The following PTPRD variants were observed in gnomAD, a reference collection of about 807,000 sequenced individuals.
The protein encoded by PTPRD is protein tyrosine phosphatase receptor type D, also known as receptor-type tyrosine-protein phosphatase delta.
A neutral mutation model predicts 214.5 loss-of-function variants in PTPRD; 34 were observed. The ratio of observed to expected loss-of-function variants is 0.16; its 90% CI spans 0.12 to 0.21. PTPRD has a LOEUF of 0.21. Ranked by LOEUF, PTPRD falls within the 10% of genes least tolerant of loss-of-function variation. PTPRD has a pLI of 1.00. For synonymous variants in PTPRD, 1,128 were observed against 845.7 expected (o/e 1.33, Z -5.79); for missense variants, 2,545 against 2,398.7 (o/e 1.06, Z -1.27).
intron 3 of PTPRD, among the ~76,000 whole-genome samples, chr9:10,169,698 G>A (rs1241016778): frequency 6.6e-6 from 1 of 152,080 alleles, no homozygotes; most frequent in Non-Finnish European, 1.5e-5. Flanking sequence ...TTCTATAGCT[G>A]CAGGAAATAC....
At chr9:9,085,350 G>A (rs942363519) in intron 10 of PTPRD, among the ~76,000 whole-genome samples, 3 of 152,122 alleles carry the variant, frequency 2.0e-5, no homozygotes, top group Admixed American at 6.6e-5. Flanking sequence ...CTCTCTCAGA[G>A]AAAATGTTGG....
chr9:9,724,278 T>G (rs1156858340), intron 7 of PTPRD, among the ~76,000 whole-genome samples: 6 of 152,190 alleles, frequency 3.9e-5, no homozygotes, highest in Admixed American at 3.9e-4. Flanking sequence ...ATCTTTTATC[T>G]TAGGTCAATA....
chr9:8,540,074 C>G (rs1445564135), intron 14 of PTPRD, among the ~76,000 whole-genome samples: 1 of 152,132 alleles, frequency 6.6e-6, no homozygotes, highest in Non-Finnish European at 1.5e-5. Flanking sequence ...CGGCAATTAA[C>G]TCTCTAACAG....
chr9:10,555,815 T>C (rs965778352), intron 2 of PTPRD, among the ~76,000 whole-genome samples: 1 of 152,150 alleles, frequency 6.6e-6, no homozygotes, highest in African/African-American at 2.4e-5. Context: ...TAGATTCCTC[T>C]AAGATTCTTT....
At chr9:9,504,479 A>G (rs1204500269) in intron 8 of PTPRD, among the ~76,000 whole-genome samples, 2 of 151,674 alleles carry the variant, frequency 1.3e-5, no homozygotes, top group African/African-American at 2.4e-5. Flanking sequence ...ATGGTTTCAA[A>G]AAACAGGTGT....
chr9:8,640,561 C>CAAAAAAAAAAAAA (rs201282830), intron 12 of PTPRD, among the ~76,000 whole-genome samples: 1 of 105,468 alleles, frequency 9.5e-6, no homozygotes, highest in African/African-American at 3.2e-5. Flanking sequence ...AACAAAAAAA[C>CAAAAAAAAAAAAA]AAAAAAAAAA....
At chr9:9,255,223 G>C (rs373433611) in intron 9 of PTPRD, among the ~76,000 whole-genome samples, 76 of 152,090 alleles carry the variant, frequency 5.0e-4, no homozygotes, top group African/African-American at 1.7e-3. Context: ...AAATATGTTT[G>C]CTTTGATTGC....
chr9:8,969,046 A>T (rs1252835090), intron 11 of PTPRD, among the ~76,000 whole-genome samples: 3 of 152,074 alleles, frequency 2.0e-5, no homozygotes, highest in Admixed American at 6.6e-5. Flanking sequence ...TTAAAAAATA[A>T]GCAAACATAA....
At chr9:10,569,559 T>TA (rs2066783781) in intron 2 of PTPRD, among the ~76,000 whole-genome samples, 1 of 151,988 alleles carries the variant, frequency 6.6e-6, no homozygotes, top group Non-Finnish European at 1.5e-5. Context: ...ACAGGCTTTT[T>TA]ACCTCCATTG....
intron 2 of PTPRD, among the ~76,000 whole-genome samples, chr9:10,553,749 A>G (rs1199147602): frequency 6.6e-6 from 1 of 152,124 alleles, no homozygotes; most frequent in Admixed American, 6.5e-5. Flanking sequence ...AGAAAGAACT[A>G]TGCAGCTAGT....
intron 10 of PTPRD, among the ~76,000 whole-genome samples, chr9:9,066,851 A>G (rs2099735357): frequency 6.6e-6 from 1 of 152,148 alleles, no homozygotes; most frequent in African/African-American, 2.4e-5. Flanking sequence ...TGACCCAGTG[A>G]CTCTGATTTT....
At chr9:9,288,091 C>T (rs895191645) in intron 9 of PTPRD, among the ~76,000 whole-genome samples, 4 of 151,788 alleles carry the variant, frequency 2.6e-5, no homozygotes, top group Non-Finnish European at 5.9e-5. Context: ...TATGAGCAAA[C>T]ATGAGAAACA....
At chr9:8,416,833 G>A (rs1253097963) in intron 35 of PTPRD, among the ~76,000 whole-genome samples, 1 of 151,820 alleles carries the variant, frequency 6.6e-6, no homozygotes, top group Non-Finnish European at 1.5e-5. Flanking sequence ...AGGTATCTTA[G>A]ATATTGTTAT....
At chr9:10,494,326 T>G in intron 2 of PTPRD, among the ~76,000 whole-genome samples, 1 of 151,856 alleles carries the variant, frequency 6.6e-6, no homozygotes, top group African/African-American at 2.4e-5. Flanking sequence ...AAAGAAAAAA[T>G]AGGTGATTTT....
chr9:8,483,988 G>T, intron 30 of PTPRD, 131 bp downstream of exon 30: 1 of 1,173,298 alleles, frequency 8.5e-7, no homozygotes, highest in Non-Finnish European at 1.2e-6. Flanking sequence ...TAGCAAAACT[G>T]GGAGTCTGAG....
At chr9:10,300,594 A>G (rs2095833158) in intron 3 of PTPRD, among the ~76,000 whole-genome samples, 1 of 152,100 alleles carries the variant, frequency 6.6e-6, no homozygotes, top group Non-Finnish European at 1.5e-5. Context: ...GGCGTCTGCC[A>G]TTGCTGAGGC....
At chr9:8,657,659 T>G (rs1334887333) in intron 12 of PTPRD, among the ~76,000 whole-genome samples, 1 of 152,218 alleles carries the variant, frequency 6.6e-6, no homozygotes, top group Non-Finnish European at 1.5e-5. Context: ...TTCATCAATT[T>G]TTGCTTTTGT....
At chr9:9,499,968 G>T (rs188953034) in intron 8 of PTPRD, among the ~76,000 whole-genome samples, 2 of 152,190 alleles carry the variant, frequency 1.3e-5, no homozygotes, top group South Asian at 4.1e-4. Flanking sequence ...ATTTGGAAGA[G>T]AACTGTAAAT....
chr9:8,900,330 T>G (rs1257543657), intron 11 of PTPRD, among the ~76,000 whole-genome samples: 1 of 152,140 alleles, frequency 6.6e-6, no homozygotes, highest in South Asian at 2.1e-4. Flanking sequence ...ATATTGACAT[T>G]TAAAGAACAT....
Sources: allele counts gnomAD v4.1 joint callset (sites outside exome capture counted in the v4.1 genomes callset), GRCh38; gene constraint gnomAD v4.1.1; transcripts MANE v1.5; gene names NCBI Gene and HGNC (gene_info 2026-07-23, HGNC 2026-07-21).